Variants in KMT2C observed in about 807,000 individuals in gnomAD.
KMT2C encodes the protein lysine methyltransferase 2C.
A neutral mutation model predicts 507.9 loss-of-function variants in KMT2C; 88 were observed. The ratio of observed to expected loss-of-function variants is 0.17; its 90% confidence interval spans 0.15 to 0.21. The LOEUF (loss-of-function observed/expected upper bound fraction) is 0.21. KMT2C is among the 10% of genes least tolerant of loss of function. The pLI is 1.00. For missense variants in KMT2C, 4,954 were observed against 5,957.8 expected, an observed-to-expected ratio of 0.83 and a Z score of 5.55; for synonymous variants, 2,049 against 2,080.8, an observed-to-expected ratio of 0.98 and a Z score of 0.42.
intron 55 of KMT2C, among the ~76,000 whole-genome samples, chr7:152,140,287 G>GGTT (rs2129090322): frequency 6.6e-6 from 1 of 152,310 alleles, no homozygotes; most frequent in South Asian, 2.1e-4. Flanking sequence ...AGCAGACACA[G>GGTT]GAAACGTCAC....
intron 2 of KMT2C, among the ~76,000 whole-genome samples, chr7:152,338,634 A>G (rs774725819): frequency 2.7e-4 from 41 of 152,356 alleles, no homozygotes; most frequent in South Asian, 8.3e-4. Flanking sequence ...CATTCAAAAG[A>G]TAAGGAAACT....
intron 51 of KMT2C, among the ~76,000 whole-genome samples, chr7:152,149,591 T>C (rs1377097404): frequency 6.6e-6 from 1 of 152,202 alleles, no homozygotes; most frequent in Non-Finnish European, 1.5e-5. Context: ...TGAGAGCTTA[T>C]CTCCACTCTA....
chr7:152,163,174 G>T lies in KMT2C; in HGVS notation c.10403C>A (p.Pro3468His), dbSNP rs565114967. 4 of 1,614,148 alleles carry T rather than the reference G, an allele frequency of 2.5e-6. No individual in the cohort carries two copies. The highest frequency in any genetic ancestry group is 3.4e-6 in the Non-Finnish European group (4 of 1,180,014). ...TTGGTGTTGTGGAGACTGCTGAAGG[G>T]GTCCTAGAGGTTGCATAAAATCACA... ...LPCDFMQPLG[P>H]LQQSPQHQQQ... is the part of the protein sequence containing the mutation. The change falls in exon 43 of 59, where the codon CCC (proline) becomes CAC (histidine). Residue 3468 changes from proline to histidine, a missense_variant. Physicochemically the swap from Pro to His is moderately conservative, Grantham distance 77. This residue lies in a region of KMT2C where 801 missense variants were observed against 751.2 expected (regional missense o/e 1.07). Transcript: ENST00000262189.
At chr7:152,368,878 C>T (rs1250248611) in intron 1 of KMT2C, among the ~76,000 whole-genome samples, 1 of 152,068 alleles carries the variant, frequency 6.6e-6, no homozygotes, top group Non-Finnish European at 1.5e-5. Context: ...GCTCTAAGTA[C>T]CTTTCCTACA....
chr7:152,352,839 T>C (rs545075319), intron 2 of KMT2C, among the ~76,000 whole-genome samples: 1 of 152,288 alleles, frequency 6.6e-6, no homozygotes, highest in African/African-American at 2.4e-5. Flanking sequence ...CACAGAGCTC[T>C]GAAAGGTTTT....
intron 41 of KMT2C, 67 bp from the exon 42 acceptor site, chr7:152,167,445 T>C (rs1159832178): frequency 6.4e-6 from 7 of 1,091,620 alleles, no homozygotes; most frequent in Non-Finnish European, 9.5e-6. Flanking sequence ...GTTACACAAA[T>C]CTATTTTGTA....
At chr7:152,142,678 A>G (rs2090702816) in intron 55 of KMT2C, among the ~76,000 whole-genome samples, 1 of 152,222 alleles carries the variant, frequency 6.6e-6, no homozygotes, top group Admixed American at 6.5e-5. Flanking sequence ...TTATAAATCA[A>G]ATACACACTC....
Position 152,163,469 on chromosome 7 carries a change from C to A in KMT2C, c.10108G>T (p.Val3370Phe). 2 of 1,614,244 alleles carry A rather than the reference C, an allele frequency of 1.2e-6. No homozygotes were observed. The highest frequency in any genetic ancestry group is 2.2e-5 in the South Asian group (2 of 91,086). ...IKTCTPAPGTVSNANPQSGPP... is the reference protein window; with the variant it reads ...IKTCTPAPGTFSNANPQSGPP... ...CCACTCTGTGGATTTGCATTTGAGA[C>A]TGTCCCTGGGGCTGGTGTACAAGTT... The change falls in exon 43 of 59, where the codon GTC becomes TTC. Residue 3370 changes from valine to phenylalanine, a missense_variant. This residue lies in a region of KMT2C where 801 missense variants were observed against 751.2 expected (regional missense o/e 1.07). Transcript: ENST00000262189.
At chr7:152,222,208 T>C (rs1563461400) in intron 21 of KMT2C, 142 bp from the exon 22 acceptor site, 12 of 564,176 alleles carry the variant, frequency 2.1e-5, no homozygotes, top group Admixed American at 3.8e-5. Flanking sequence ...AAGTGCTTTT[T>C]AAAGCAACAA....
intron 24 of KMT2C, among the ~76,000 whole-genome samples, chr7:152,206,270 C>A (rs959806793): frequency 5.3e-5 from 8 of 151,722 alleles, no homozygotes; most frequent in Non-Finnish European, 7.4e-5. Flanking sequence ...GGGTTGACTT[C>A]CATGTGAGGC....
At chr7:152,223,138 T>C (rs189893656) in intron 20 of KMT2C, among the ~76,000 whole-genome samples, 491 of 152,244 alleles carry the variant, frequency 3.2e-3, no homozygotes, top group African/African-American at 0.011. Flanking sequence ...ATGGAACAAA[T>C]AATTAGTAGC....
At chr7:152,357,152 G>A (rs117093508) in intron 2 of KMT2C, among the ~76,000 whole-genome samples, 5,067 of 150,446 alleles carry the variant, frequency 0.034, 115 homozygotes, top group South Asian at 0.066. Flanking sequence ...GCATGAGCCC[G>A]GCGGGTGGAG....
In KMT2C at chr7:152,248,485, G is replaced by A. The variant is rs2095512120; in HGVS notation, c.1949C>T (p.Thr650Ile). Residue 650 changes from threonine (T) to isoleucine (I), a missense_variant, in exon 14 of 59, where the codon ACA becomes ATA. Thr to Ile is a moderately conservative substitution (Grantham distance 89). Transcript: ENST00000262189. ...EDQIEDKMEV[T>I]ENIEVVTHQI... Reference sequence around the variant, plus strand: ...GTGTGTAACGACTTCAATGTTTTCTGTCACTTCCATTTTATCTTCAATTTG... The same window carrying A: ...GTGTGTAACGACTTCAATGTTTTCTATCACTTCCATTTTATCTTCAATTTG... The A allele has an allele frequency of 6.2e-7, 1 of 1,613,972 alleles. No homozygotes were observed. Among genetic ancestry groups the A allele is most frequent in the Non-Finnish European group, 8.5e-7 (1 of 1,179,954 alleles).
rs547915277 is a variant in KMT2C, at chr7:152,208,522, A to T, written c.3713-1094T>A. ...CACAGATTTTCTTAGTAACAGATGT[A>T]TTGTTAGTAGGATACCTAATACATG... On this transcript the variant is annotated intron_variant, in intron 23 of 58. Coordinates refer to ENST00000262189, the MANE Select transcript of KMT2C (RefSeq NM_170606.3). 6.0e-4 allele frequency among the ~76,000 whole-genome samples: 91 copies of T among 152,312 alleles called. 2 individuals are homozygous for T. In the Middle Eastern group the frequency reaches 0.027, roughly 46 times the overall value.
chr7:152,268,125 C>T (rs1374819056), intron 7 of KMT2C, among the ~76,000 whole-genome samples: 4 of 152,058 alleles, frequency 2.6e-5, no homozygotes, highest in Non-Finnish European at 4.4e-5. Flanking sequence ...ACTAAAAATA[C>T]AAAATTAGCA....
intron 2 of KMT2C, among the ~76,000 whole-genome samples, chr7:152,353,498 C>G (rs1022348443): frequency 5.9e-5 from 9 of 152,052 alleles, no homozygotes; most frequent in Non-Finnish European, 1.3e-4. Context: ...CATTAGCATT[C>G]TTTTCTTTTT....
rs1396374160 is a variant in KMT2C at position 152,385,388 on chromosome 7, G to A, written c.162-26713C>T. Reference sequence around the variant, plus strand: ...AGCACTTTGGGAGGCCGAGGCGGGCGGATCACGAGGTCAGGAGATCGAGAC... The same window carrying A: ...AGCACTTTGGGAGGCCGAGGCGGGCAGATCACGAGGTCAGGAGATCGAGAC... On this transcript the variant is annotated intron_variant, in intron 1 of 58. Coordinates refer to ENST00000262189, the MANE Select transcript of KMT2C (RefSeq NM_170606.3). 5.8e-5 allele frequency among the ~76,000 whole-genome samples: 8 copies of A among 136,960 alleles called. 1 individual carries two copies. The highest frequency in any genetic ancestry group is 2.2e-4 in the South Asian group (1 of 4,460). 89.9% of individuals were successfully genotyped at this position (136,960 alleles called of 152,430 possible). A position where few individuals can be genotyped will look rare whatever the true frequency, so the allele number is the denominator to read the frequency against.
intron 31 of KMT2C, among the ~76,000 whole-genome samples, chr7:152,191,687 C>G (rs532284359): frequency 6.6e-6 from 1 of 152,288 alleles, no homozygotes; most frequent in East Asian, 1.9e-4. Flanking sequence ...AGGCTAGCTG[C>G]CTCTGCCTAT....
chr7:152,324,055 G>A (rs929847084), intron 3 of KMT2C, among the ~76,000 whole-genome samples: 1 of 151,750 alleles, frequency 6.6e-6, no homozygotes, highest in African/African-American at 2.4e-5. Flanking sequence ...GAAGGAAATA[G>A]TAAGTTGTTG....
Sources: allele counts gnomAD v4.1 joint callset (sites outside exome capture counted in the v4.1 genomes callset), GRCh38; gene constraint gnomAD v4.1.1; regional missense constraint gnomAD v4.1.1; transcripts MANE v1.5; gene names NCBI Gene and HGNC (gene_info 2026-07-23, HGNC 2026-07-21).